NEK11: variants seen among roughly 807,000 people sequenced by gnomAD.
NEK11 encodes the protein serine/threonine-protein kinase Nek11.
NEK11 carries 72 observed loss-of-function variants against 80.7 expected under a neutral mutation model. The observed-to-expected ratio is 0.89, with a 90% CI of 0.74 to 1.08. The LOEUF (loss-of-function observed/expected upper bound fraction) is 1.08, where lower values mean the gene tolerates loss of function less well. NEK11 is among the 50% of genes least tolerant of loss of function. The probability of loss-of-function intolerance (pLI) is 0.00; values close to 1 mark genes in which losing one functional copy is unlikely to be tolerated. For missense variants in NEK11, 764 were observed against 763.6 expected, an observed-to-expected ratio of 1.00 and a Z score of -0.01; for synonymous variants, 251 against 260.7, an observed-to-expected ratio of 0.96 and a Z score of 0.36.
chr3:131,174,309 G>T (rs772848135), intron 14 of NEK11, among the ~76,000 whole-genome samples: 6 of 152,214 alleles, frequency 3.9e-5, no homozygotes, highest in Non-Finnish European at 8.8e-5. Flanking sequence ...GACTTAATTT[G>T]TTGATGAACT....
intron 3 of NEK11, chr3:131,053,889 A>C (rs966930042): frequency 1.1e-4 from 16 of 152,264 alleles, no homozygotes; most frequent in African/African-American, 3.6e-4. Context: ...AATTCAATAC[A>C]ATGTGACTAC....
chr3:131,193,301 T>C (rs573736140), intron 14 of NEK11, among the ~76,000 whole-genome samples: 1 of 152,276 alleles, frequency 6.6e-6, no homozygotes, highest in South Asian at 2.1e-4. Flanking sequence ...TGGAAAACTG[T>C]CTATTAATGA....
At chr3:131,120,113 G>C (rs529579070) in intron 5 of NEK11, among the ~76,000 whole-genome samples, 2 of 152,310 alleles carry the variant, frequency 1.3e-5, no homozygotes, top group East Asian at 3.9e-4. Flanking sequence ...GCAGTGGCTG[G>C]TACTGGTTGT....
chr3:131,296,446 A>AC lies in NEK11; in HGVS notation c.1718+22874dup, dbSNP rs986111838. Among the ~76,000 whole-genome samples the AC allele has an allele frequency of 1.2e-3, 185 of 152,150 alleles. 1 individual carries two copies. The highest frequency in any genetic ancestry group is 4.3e-3 in the African/African-American group (178 of 41,520). ...TTCTTTATGTAGACCTGAGTTTCTG[A>AC]CCTATGTTATTTTCCTTCATTTAAC... On this transcript the variant is annotated intron_variant, in intron 17 of 17. Transcript: ENST00000383366.
At chr3:131,307,876 G>A (rs900316163) in intron 17 of NEK11, among the ~76,000 whole-genome samples, 2 of 152,202 alleles carry the variant, frequency 1.3e-5, no homozygotes, top group Non-Finnish European at 2.9e-5. Flanking sequence ...AAACTATGTA[G>A]CCTTCCAAGG....
intron 17 of NEK11, among the ~76,000 whole-genome samples, chr3:131,296,344 A>G (rs2096593194): frequency 1.3e-5 from 2 of 152,318 alleles, no homozygotes; most frequent in South Asian, 2.1e-4. Flanking sequence ...TATTATTATT[A>G]GAACAGGTTG....
chr3:131,293,036 A>C (rs1314961778), intron 17 of NEK11, among the ~76,000 whole-genome samples: 1 of 152,146 alleles, frequency 6.6e-6, no homozygotes, highest in African/African-American at 2.4e-5. Context: ...TCATCACTGA[A>C]GGAGAACATT....
intron 17 of NEK11, among the ~76,000 whole-genome samples, chr3:131,274,014 T>A (rs2096248079): frequency 1.3e-5 from 2 of 151,884 alleles, no homozygotes; most frequent in African/African-American, 4.8e-5. Flanking sequence ...TTGTGCAGGT[T>A]AGTTACATAT....
At chr3:131,107,144 C>G (rs748164199) in intron 4 of NEK11, among the ~76,000 whole-genome samples, 1 of 152,042 alleles carries the variant, frequency 6.6e-6, no homozygotes, top group Non-Finnish European at 1.5e-5. Flanking sequence ...TCTAATGTGC[C>G]TCACAAGTAA....
chr3:131,077,773 T>TA (rs2074603106), intron 3 of NEK11, among the ~76,000 whole-genome samples: 2 of 152,234 alleles, frequency 1.3e-5, no homozygotes, highest in African/African-American at 2.4e-5. Context: ...CTTCAGTAGT[T>TA]AAAAAAAGTG....
chr3:131,264,484 T>G (rs1172639748), intron 16 of NEK11, among the ~76,000 whole-genome samples: 11 of 152,216 alleles, frequency 7.2e-5, no homozygotes, highest in South Asian at 4.1e-4. Flanking sequence ...TTTCCCCATT[T>G]CTTGTTTTTG....
intron 16 of NEK11, among the ~76,000 whole-genome samples, chr3:131,255,859 A>G (rs1454936261): frequency 6.6e-6 from 1 of 152,118 alleles, no homozygotes; most frequent in Non-Finnish European, 1.5e-5. Flanking sequence ...AACTGATTAG[A>G]CCATGTCCAA....
intron 3 of NEK11, among the ~76,000 whole-genome samples, chr3:131,054,926 G>GT (rs1366098588): frequency 2.6e-5 from 4 of 152,266 alleles, no homozygotes; most frequent in Non-Finnish European, 5.9e-5. Context: ...CAGTTGGGCA[G>GT]TTTTTTCACC....
chr3:131,204,424 G>A (rs1470698858), intron 14 of NEK11, among the ~76,000 whole-genome samples: 1 of 152,176 alleles, frequency 6.6e-6, no homozygotes, highest in Non-Finnish European at 1.5e-5. Flanking sequence ...CTGGATTTGT[G>A]ACTGGTGTTT....
chr3:131,222,893 G>A (rs776997688), intron 14 of NEK11, among the ~76,000 whole-genome samples: 1 of 152,212 alleles, frequency 6.6e-6, no homozygotes, highest in African/African-American at 2.4e-5. Context: ...ATTTATTTGG[G>A]TCTTAATTGA....
chr3:131,206,938 T>C (rs1050649529), intron 14 of NEK11, among the ~76,000 whole-genome samples: 15 of 152,340 alleles, frequency 9.8e-5, no homozygotes, highest in South Asian at 2.1e-4. Context: ...GTCCTTGTGA[T>C]AGTTTGCTGG....
intron 5 of NEK11, among the ~76,000 whole-genome samples, chr3:131,121,159 G>C (rs1281167890): frequency 2.0e-5 from 3 of 152,256 alleles, no homozygotes; most frequent in South Asian, 2.1e-4. Flanking sequence ...GTACAGATGG[G>C]GTTTTGGTGT....
chr3:131,230,563 T>G (rs9990209), intron 15 of NEK11, among the ~76,000 whole-genome samples: 42,281 of 152,102 alleles, frequency 0.28, 7,320 homozygotes, highest in Middle Eastern at 0.46. Context: ...TACCTCTTTA[T>G]GATACTGCCA....
At chr3:131,120,490 C>A (rs2082177090) in intron 5 of NEK11, among the ~76,000 whole-genome samples, 1 of 152,198 alleles carries the variant, frequency 6.6e-6, no homozygotes, top group South Asian at 2.1e-4. Context: ...TTCTTTGTGG[C>A]ATTCTCTGTG....
Sources: allele counts gnomAD v4.1 joint callset (sites outside exome capture counted in the v4.1 genomes callset), GRCh38; gene constraint gnomAD v4.1.1; transcripts MANE v1.5; gene names NCBI Gene and HGNC (gene_info 2026-07-23, HGNC 2026-07-21).